GINM1: variants seen among roughly 807,000 people sequenced by gnomAD.
GINM1 encodes the protein glycoprotein integral membrane protein 1.
In GINM1, 29 loss-of-function variants were observed where a neutral mutation model predicts 37.8. The observed-to-expected ratio is 0.77, with a 90% CI of 0.57 to 1.05. The LOEUF is 1.05. GINM1 is among the 50% of genes least tolerant of loss of function. GINM1 has a pLI of 0.00. For missense variants in GINM1, 377 were observed against 397.9 expected, an observed-to-expected ratio of 0.95 and a Z score of 0.45; for synonymous variants, 143 against 146.2, an observed-to-expected ratio of 0.98 and a Z score of 0.16.
Position 149,580,004 on chromosome 6 carries a change from C to T in GINM1, c.586+14C>T. 2 of 1,506,174 alleles carry T rather than the reference C, an allele frequency of 1.3e-6. No individual in the cohort carries two copies. Among genetic ancestry groups the T allele is most frequent in the East Asian group, 2.3e-5 (1 of 43,640 alleles). The allele number at this position is 1,506,174 out of a possible 1,614,324, so 93.3% of individuals were successfully genotyped here. A position where few individuals can be genotyped will look rare whatever the true frequency, so the allele number is the denominator to read the frequency against. ...TCTCCAAAAAAGGTAACTTAAAAGA[C>T]CATTATTTAAAGTATTAAGGAGATT... On this transcript the variant is annotated intron_variant, in intron 5 of 7. Transcript: ENST00000367419.
intron 1 of GINM1, among the ~76,000 whole-genome samples, chr6:149,570,456 G>A (rs971096734): frequency 5.3e-5 from 8 of 151,926 alleles, no homozygotes; most frequent in South Asian, 2.1e-4. Flanking sequence ...CTAGATCAAG[G>A]TGAGCCAGGA....
intron 6 of GINM1, chr6:149,581,954 C>T (rs941018760): frequency 8.7e-6 from 4 of 458,306 alleles, no homozygotes; most frequent in African/African-American, 6.0e-5. Context: ...TTAAGTTCTG[C>T]TCTCGCTCTT....
chr6:149,580,632 T>C lies in GINM1; in HGVS notation c.626T>C (p.Ile209Thr), dbSNP rs771702613. 7 of 1,613,738 alleles carry C rather than the reference T, an allele frequency of 4.3e-6. No individual in the cohort carries two copies. In the South Asian group the frequency reaches 5.5e-5, roughly 13 times the overall value. ...CTGCAAACCACTAGCCAGTATCTTA[T>C]CAGGAATGTGGAAACCACTGTAGAT... ...SSLQTTSQYL[I>T]RNVETTVDED... is the part of the protein sequence containing the mutation. The change falls in exon 6 of 8, where the codon ATC becomes ACC. Residue 209 changes from isoleucine to threonine, a missense_variant. Transcript: ENST00000367419.
chr6:149,569,338 T>A (rs1777773196), intron 1 of GINM1, among the ~76,000 whole-genome samples: 1 of 52,476 alleles, frequency 1.9e-5, no homozygotes, highest in African/African-American at 5.3e-5. Flanking sequence ...GCCCGGTCAC[T>A]TTTTTTTTTT....
chr6:149,574,429 G>A (rs531605277), intron 3 of GINM1, among the ~76,000 whole-genome samples: 1 of 152,210 alleles, frequency 6.6e-6, no homozygotes, highest in Non-Finnish European at 1.5e-5. Context: ...GATACATTTG[G>A]ATTTAAATCC....
chr6:149,577,278 A>G (rs1360649166), intron 3 of GINM1: 1 of 152,272 alleles, frequency 6.6e-6, no homozygotes, highest in Non-Finnish European at 1.5e-5. Context: ...GCTTACGGAC[A>G]TGCTGACACA....
At chr6:149,578,546 A>G (rs1341927649) in intron 3 of GINM1, among the ~76,000 whole-genome samples, 2 of 151,524 alleles carry the variant, frequency 1.3e-5, no homozygotes. Context: ...AAAAAAAAAA[A>G]AGAATAGGAA....
At position 149,579,757 on chromosome 6, in the gene GINM1, G is replaced by C. The variant is rs1179875420; in HGVS notation, c.430-77G>C. The C allele has an allele frequency of 4.9e-6, 4 of 822,408 alleles. No homozygotes were observed. In the African/African-American group the frequency reaches 5.3e-5, roughly 11 times the overall value. The allele number at this position is 822,408 out of a possible 1,614,324, so 50.9% of individuals were successfully genotyped here. ...ACATGTTTTAGTTATATAAATCTGG[G>C]AGGAAAATTTGCTTTTAAATTTTTA... On this transcript the variant is annotated intron_variant, in intron 4 of 7. Transcript: ENST00000367419.
Position 149,580,635 on chromosome 6 carries a change from G to C in GINM1, c.629G>C (p.Arg210Thr). ...CAAACCACTAGCCAGTATCTTATCA[G>C]GAATGTGGAAACCACTGTAGATGAA... ...SLQTTSQYLI[R>T]NVETTVDEDV... Residue 210 changes from arginine (R) to threonine (T), a missense_variant, in exon 6 of 8, where the codon AGG becomes ACG. Transcript: ENST00000367419. 6.2e-7 allele frequency: 1 copy of C among 1,613,860 alleles called. No individual in the cohort carries two copies. The highest frequency in any genetic ancestry group is 8.5e-7 in the Non-Finnish European group (1 of 1,179,822).
At position 149,579,891 on chromosome 6, in the gene GINM1, A is replaced by G. The variant is rs1777972583; in HGVS notation, c.487A>G (p.Arg163Gly). The G allele has an allele frequency of 6.2e-7, 1 of 1,607,994 alleles. No homozygotes were observed. The highest frequency in any genetic ancestry group is 8.5e-7 in the Non-Finnish European group (1 of 1,175,246). Residue 163 changes from arginine to glycine, a missense_variant, in exon 5 of 8, where the codon AGA becomes GGA. By Grantham distance (125) the Arg-to-Gly change is moderately radical. Transcript: ENST00000367419. ...TTTAGTTAAGAACCGGGGAGTACTC[A>G]GACATTCAAACTATACCCTCCCTTT... is the stretch of plus-strand genomic sequence containing the variant. ...DILVKNRGVL[R>G]HSNYTLPLEE...
rs546794436 is a variant in GINM1, at chr6:149,589,892, G to A, written c.882-835G>A. Among the ~76,000 whole-genome samples, 204 of 152,116 alleles carry A rather than the reference G, an allele frequency of 1.3e-3. 1 individual carries two copies. Among genetic ancestry groups the A allele is most frequent in the African/African-American group, 4.7e-3 (193 of 41,482 alleles). On this transcript the variant is annotated intron_variant, in intron 7 of 7. Transcript: ENST00000367419. ...CGGCTCACTGCAACCTCCACTTCCCGGGTTCAAGCGATCCTCCCACCTCAG... is the reference window on the plus strand; with the variant it reads ...CGGCTCACTGCAACCTCCACTTCCCAGGTTCAAGCGATCCTCCCACCTCAG...
chr6:149,588,361 A>G (rs543072352), intron 7 of GINM1, among the ~76,000 whole-genome samples: 27 of 152,164 alleles, frequency 1.8e-4, no homozygotes, highest in Non-Finnish European at 3.5e-4. Context: ...GCCTCTGGCC[A>G]TTTTTCAATT....
In GINM1 at chr6:149,578,978, G is replaced by C; in HGVS notation, c.429+5G>C. ...GTAGAGATTGATGGAAAACAAGTAA[G>C]ATAGTATGTTTATTAATTGGGAATT... On this transcript the variant is annotated splice_donor_5th_base_variant and intron_variant, in intron 4 of 7. Transcript: ENST00000367419. 6.6e-7 allele frequency: 1 copy of C among 1,520,384 alleles called. No homozygotes were observed. Among genetic ancestry groups the C allele is most frequent in the Non-Finnish European group, 9.0e-7 (1 of 1,108,502 alleles). 94.2% of individuals were successfully genotyped at this position (1,520,384 alleles called of 1,614,324 possible). A position where few individuals can be genotyped will look rare whatever the true frequency, so the allele number is the denominator to read the frequency against.
intron 6 of GINM1, chr6:149,581,956 C>T (rs1778008934): frequency 2.2e-6 from 1 of 459,172 alleles, no homozygotes; most frequent in African/African-American, 2.0e-5. Flanking sequence ...AAGTTCTGCT[C>T]TCGCTCTTAA....
At chr6:149,575,833 G>C (rs1777906068) in intron 3 of GINM1, among the ~76,000 whole-genome samples, 1 of 152,142 alleles carries the variant, frequency 6.6e-6, no homozygotes, top group Admixed American at 6.5e-5. Flanking sequence ...AATACAGCCT[G>C]TCTCCTCTCT....
At chr6:149,567,409 A>T (rs765675779) in intron 1 of GINM1, among the ~76,000 whole-genome samples, 1 of 152,026 alleles carries the variant, frequency 6.6e-6, no homozygotes. Context: ...GAATATGAAC[A>T]CTCTAAATAC....
intron 7 of GINM1, among the ~76,000 whole-genome samples, chr6:149,586,439 A>G (rs1172382855): frequency 2.0e-5 from 3 of 152,164 alleles, no homozygotes; most frequent in Non-Finnish European, 4.4e-5. Flanking sequence ...CCACACCTCC[A>G]ACATAGGGGA....
chr6:149,591,532 C>A lies in GINM1; in HGVS notation c.*694C>A, dbSNP rs1406035300. The A allele has an allele frequency of 6.6e-6, 1 of 152,016 alleles. No individual in the cohort carries two copies. Among genetic ancestry groups the A allele is most frequent in the East Asian group, 1.9e-4 (1 of 5,168 alleles). The allele number at this position is 152,016 out of a possible 1,614,324, so 9.4% of individuals were successfully genotyped here. ...TTTATGAAAAGCACTTTATAAAATT[C>A]TAATTTAAAAGGTCAAGAACTTAAC... On this transcript the variant is annotated 3_prime_UTR_variant, in exon 8 of 8. Transcript: ENST00000367419.
chr6:149,577,996 T>TC (rs1245934524), intron 3 of GINM1: 2 of 151,952 alleles, frequency 1.3e-5, no homozygotes, highest in African/African-American at 4.8e-5. Flanking sequence ...ATGACAGGCC[T>TC]CCCCCACCCT....
Sources: allele counts gnomAD v4.1 joint callset (sites outside exome capture counted in the v4.1 genomes callset), GRCh38; gene constraint gnomAD v4.1.1; transcripts MANE v1.5; gene names NCBI Gene and HGNC (gene_info 2026-07-23, HGNC 2026-07-21).